The following RAP1GDS1 variants were observed in gnomAD, a reference collection of about 807,000 sequenced individuals.
The protein encoded by RAP1GDS1 is RAP1, GTP-GDP dissociation stimulator 1.
Under a neutral mutation model 71.1 loss-of-function variants are expected in RAP1GDS1, and 35 were observed. The ratio of observed to expected loss-of-function variants is 0.49; its 90% CI spans 0.38 to 0.65. The LOEUF (loss-of-function observed/expected upper bound fraction) is 0.65, where lower values mean the gene tolerates loss of function less well. Ranked by LOEUF, RAP1GDS1 falls within the 30% of genes least tolerant of loss-of-function variation. RAP1GDS1 has a pLI of 0.00. For missense variants in RAP1GDS1, 663 were observed against 706.1 expected (o/e 0.94, Z 0.69); for synonymous variants, 229 against 243.1 (o/e 0.94, Z 0.54).
At chr4:98,276,477 A>C (rs1157853733) in intron 1 of RAP1GDS1, among the ~76,000 whole-genome samples, 4 of 150,134 alleles carry the variant, frequency 2.7e-5, no homozygotes, top group African/African-American at 9.9e-5. Context: ...ATTTTTTTTT[A>C]CATACCCTTT....
intron 6 of RAP1GDS1, among the ~76,000 whole-genome samples, chr4:98,394,218 T>G (rs1257174400): frequency 3.9e-5 from 6 of 152,214 alleles, no homozygotes; most frequent in Admixed American, 3.9e-4. Context: ...TGTCTAAATC[T>G]TGTAAATGCT....
chr4:98,293,959 T>C (rs1727353466), intron 2 of RAP1GDS1, among the ~76,000 whole-genome samples: 1 of 152,142 alleles, frequency 6.6e-6, no homozygotes, highest in African/African-American at 2.4e-5. Context: ...TTTAAAATAA[T>C]TGTACCTTAA....
chr4:98,423,396 T>C (rs1749155333), intron 12 of RAP1GDS1, among the ~76,000 whole-genome samples: 1 of 152,176 alleles, frequency 6.6e-6, no homozygotes, highest in Non-Finnish European at 1.5e-5. Flanking sequence ...GCCAGAGAGG[T>C]TGAAAACTGG....
chr4:98,280,242 T>C (rs1275366090), intron 1 of RAP1GDS1, among the ~76,000 whole-genome samples: 5 of 152,230 alleles, frequency 3.3e-5, no homozygotes, highest in Non-Finnish European at 7.4e-5. Flanking sequence ...AAAAGCATTC[T>C]TATTTCTCCA....
intron 1 of RAP1GDS1, among the ~76,000 whole-genome samples, chr4:98,273,383 G>A (rs1230673031): frequency 6.6e-6 from 1 of 151,870 alleles, no homozygotes; most frequent in Non-Finnish European, 1.5e-5. Context: ...ATAGAAAAGG[G>A]AAAAATATAT....
intron 7 of RAP1GDS1, among the ~76,000 whole-genome samples, chr4:98,413,155 A>T (rs1747325866): frequency 6.6e-6 from 1 of 152,028 alleles, no homozygotes; most frequent in Non-Finnish European, 1.5e-5. Flanking sequence ...CATAAGACAG[A>T]TACTCCCAGA....
chr4:98,352,517 C>G lies in RAP1GDS1; in HGVS notation c.277C>G (p.Pro93Ala). Residue 93 changes from proline (P) to alanine (A), a missense_variant, in exon 4 of 15, where the codon CCA becomes GCA. Pro to Ala is a conservative substitution (Grantham distance 27). Coordinates refer to ENST00000408927, the MANE Select transcript of RAP1GDS1 (RefSeq NM_001100427.2). ...IPCVDAGLIS[P>A]LVQLLNSKDQ... The stretch of plus-strand genomic sequence containing the variant: ...ATGTGTGGATGCTGGATTGATTTCA[C>G]CACTGGTGCAGCTGCTAAATAGCAA... 1 of 1,613,914 alleles carries G rather than the reference C, an allele frequency of 6.2e-7. No homozygotes were observed. Among genetic ancestry groups the G allele is most frequent in the Non-Finnish European group, 8.5e-7 (1 of 1,179,846 alleles).
intron 13 of RAP1GDS1, among the ~76,000 whole-genome samples, chr4:98,436,150 ATGTCT>A (rs1751110831): frequency 6.6e-6 from 1 of 151,876 alleles, no homozygotes; most frequent in Non-Finnish European, 1.5e-5. Flanking sequence ...TGTCCCATGG[ATGTCT>A]AATTGTACTA....
chr4:98,352,292 G>C (rs1020914165), intron 3 of RAP1GDS1, among the ~76,000 whole-genome samples, 184 bp from the exon 4 acceptor site: 3 of 152,096 alleles, frequency 2.0e-5, no homozygotes, highest in Non-Finnish European at 4.4e-5. Context: ...ATTTTATGAA[G>C]CTTTTAGTAG....
At chr4:98,283,667 A>G (rs1435799709) in intron 1 of RAP1GDS1, among the ~76,000 whole-genome samples, 7 of 152,140 alleles carry the variant, frequency 4.6e-5, no homozygotes, top group Non-Finnish European at 8.8e-5. Flanking sequence ...TTGGACATAT[A>G]TAAGTGTTCA....
At chr4:98,360,421 G>T (rs1738564227) in intron 4 of RAP1GDS1, among the ~76,000 whole-genome samples, 1 of 149,744 alleles carries the variant, frequency 6.7e-6, no homozygotes, top group Non-Finnish European at 1.5e-5. Flanking sequence ...CTCATTAAGA[G>T]GACTTAGGTA....
chr4:98,323,019 C>T (rs958369066), intron 2 of RAP1GDS1, among the ~76,000 whole-genome samples: 115 of 151,152 alleles, frequency 7.6e-4, no homozygotes, highest in Non-Finnish European at 1.3e-3. Flanking sequence ...ATTGATAGAC[C>T]GCTAGCAAGA....
chr4:98,374,347 C>T (rs1740843059), intron 4 of RAP1GDS1, among the ~76,000 whole-genome samples: 1 of 152,142 alleles, frequency 6.6e-6, no homozygotes, highest in African/African-American at 2.4e-5. Context: ...CCATTTAACT[C>T]TTTCTTACAG....
chr4:98,402,103 C>T (rs1480664667), intron 6 of RAP1GDS1, among the ~76,000 whole-genome samples: 3 of 152,076 alleles, frequency 2.0e-5, no homozygotes, highest in Non-Finnish European at 4.4e-5. Context: ...GACAGAGTCT[C>T]ACTGTGTCAC....
Position 98,302,970 on chromosome 4 carries a change from C to T in RAP1GDS1, c.112+9455C>T, listed in dbSNP as rs189209314. Among the ~76,000 whole-genome samples the T allele has an allele frequency of 6.5e-3, 982 of 151,842 alleles. 7 individuals carry two copies. Among genetic ancestry groups the T allele is most frequent in the African/African-American group, 0.014 (566 of 41,392 alleles). On this transcript the variant is annotated intron_variant, in intron 2 of 14. Transcript: ENST00000408927. ...CTGAGGCATGAGAATTGCTTGAGCC[C>T]GGGAGACGGAGGTTGCAGTGAGCAG...
intron 2 of RAP1GDS1, among the ~76,000 whole-genome samples, chr4:98,309,685 A>G (rs961009775): frequency 8.5e-5 from 13 of 152,092 alleles, no homozygotes; most frequent in Middle Eastern, 3.4e-3. Context: ...TCAGAAATAT[A>G]TCTTCTTAAT....
At chr4:98,356,064 C>G (rs889678460) in intron 4 of RAP1GDS1, among the ~76,000 whole-genome samples, 1 of 152,196 alleles carries the variant, frequency 6.6e-6, no homozygotes, top group South Asian at 2.1e-4. Context: ...TGCTTCTGCC[C>G]TTTAACTTTG....
intron 3 of RAP1GDS1, among the ~76,000 whole-genome samples, chr4:98,345,896 TGA>T (rs1736175987): frequency 6.6e-6 from 1 of 152,212 alleles, no homozygotes; most frequent in Admixed American, 6.5e-5. Context: ...GCATGTAACC[TGA>T]AAGATTGGGC....
chr4:98,420,250 A>C, intron 11 of RAP1GDS1, 106 bp downstream of exon 11: 1 of 1,110,902 alleles, frequency 9.0e-7, no homozygotes, highest in Non-Finnish European at 1.2e-6. Flanking sequence ...GTAATCATAA[A>C]AAATAGCAAA....
Sources: gnomAD v4.1 joint callset for allele counts (sites outside exome capture counted in the v4.1 genomes callset) on GRCh38, gnomAD v4.1.1 for gene constraint, MANE v1.5 for transcripts, NCBI Gene and HGNC (gene_info 2026-07-23, HGNC 2026-07-21) for gene names.